The following CLASP1 variants were observed in gnomAD, a reference collection of about 807,000 sequenced individuals.
CLASP1 encodes cytoplasmic linker associated protein 1.
In CLASP1, 38 loss-of-function variants were observed where a neutral mutation model predicts 192.3. The ratio of observed to expected loss-of-function variants is 0.20; its 90% CI spans 0.15 to 0.26. The LOEUF (loss-of-function observed/expected upper bound fraction) is 0.26, where lower values mean the gene tolerates loss of function less well. Ranked by LOEUF, CLASP1 falls within the 10% of genes least tolerant of loss-of-function variation. CLASP1 has a pLI of 1.00. For synonymous variants in CLASP1, 691 were observed against 712.8 expected (o/e 0.97, Z 0.49); for missense variants, 1,433 against 1,932.5 (o/e 0.74, Z 4.85).
chr2:121,648,077 G>A (rs893793142), intron 1 of CLASP1, among the ~76,000 whole-genome samples: 1 of 152,322 alleles, frequency 6.6e-6, no homozygotes, highest in Admixed American at 6.5e-5. Context: ...CTGAGGCACT[G>A]TGCTACTTTT....
intron 34 of CLASP1, among the ~76,000 whole-genome samples, chr2:121,375,127 C>CAGATTTA (rs1388100759): frequency 2.6e-5 from 4 of 152,064 alleles, no homozygotes; most frequent in Non-Finnish European, 5.9e-5. Flanking sequence ...ATCATGGGGG[C>CAGATTTA]AGATTTACCC....
intron 37 of CLASP1, among the ~76,000 whole-genome samples, chr2:121,351,902 C>CGAG (rs2149155007): frequency 6.6e-6 from 1 of 152,356 alleles, no homozygotes; most frequent in East Asian, 1.9e-4. Context: ...AAGATTCTTT[C>CGAG]CTCTCATTTG....
At chr2:121,443,002 T>C (rs1159149431) in intron 19 of CLASP1, among the ~76,000 whole-genome samples, 1 of 152,150 alleles carries the variant, frequency 6.6e-6, no homozygotes, top group Non-Finnish European at 1.5e-5. Context: ...GCTCTCTCAG[T>C]CTCACTGCTG....
intron 33 of CLASP1, among the ~76,000 whole-genome samples, chr2:121,381,329 A>G (rs1242805973): frequency 6.6e-6 from 1 of 151,752 alleles, no homozygotes; most frequent in East Asian, 1.9e-4. Flanking sequence ...CCCTTTTCCT[A>G]TCACACCCTC....
chr2:121,395,740 T>C (rs1050388617), intron 30 of CLASP1, among the ~76,000 whole-genome samples: 3 of 152,044 alleles, frequency 2.0e-5, no homozygotes, highest in African/African-American at 7.2e-5. Context: ...TTCCATCAGT[T>C]TGAAGGAAGT....
rs115822424 is a variant in CLASP1, at chr2:121,353,304, G to A, written c.4207-4586C>T. Among the ~76,000 whole-genome samples, 939 of 152,188 alleles carry A rather than the reference G, an allele frequency of 6.2e-3. 3 individuals are homozygous for A. The highest frequency in any genetic ancestry group is 0.01 in the Middle Eastern group (3 of 294). Reference sequence around the variant, plus strand: ...GGGGATCGGGGGTGAAGGGGGCAGAGCTTTGTGACCCCGAGACTCCACAGA... The same window carrying A: ...GGGGATCGGGGGTGAAGGGGGCAGAACTTTGTGACCCCGAGACTCCACAGA... On this transcript the variant is annotated intron_variant, in intron 37 of 39. Transcript: ENST00000263710.
intron 2 of CLASP1, among the ~76,000 whole-genome samples, chr2:121,592,111 A>G (rs574981558): frequency 6.6e-6 from 1 of 152,192 alleles, no homozygotes; most frequent in Non-Finnish European, 1.5e-5. Context: ...CTTAACCCAC[A>G]GTTCAAGCTG....
chr2:121,369,677 G>GC (rs1252478741), intron 34 of CLASP1, among the ~76,000 whole-genome samples: 2 of 152,268 alleles, frequency 1.3e-5, no homozygotes, highest in African/African-American at 4.8e-5. Flanking sequence ...TCCCTACAGT[G>GC]CAAGCACTTC....
At chr2:121,407,693 T>C (rs945138130) in exon 25 of CLASP1, 3 of 1,613,850 alleles carry the variant, frequency 1.9e-6, no homozygotes, top group African/African-American at 1.3e-5. Context: ...ATACGGCTCA[T>C]ATCTCCTCCT....
intron 1 of CLASP1, among the ~76,000 whole-genome samples, chr2:121,633,166 T>C (rs1185311418): frequency 6.6e-6 from 1 of 151,954 alleles, no homozygotes; most frequent in Non-Finnish European, 1.5e-5. Context: ...AAGTTTATAA[T>C]AGAAAAATTT....
chr2:121,591,018 C>A (rs1275020959), intron 2 of CLASP1, among the ~76,000 whole-genome samples: 10 of 152,020 alleles, frequency 6.6e-5, no homozygotes, highest in African/African-American at 2.4e-4. Flanking sequence ...CAGGCGTGCA[C>A]CACCACGCCC....
At position 121,470,128 on chromosome 2, in the gene CLASP1, C is replaced by A. The variant is rs141817933; in HGVS notation, c.713-168G>T. 130 of 672,638 alleles carry A rather than the reference C, an allele frequency of 1.9e-4. No individual in the cohort carries two copies. In the East Asian group the frequency reaches 3.0e-3, roughly 16 times the overall value. 41.7% of individuals were successfully genotyped at this position (672,638 alleles called of 1,614,324 possible). On this transcript the variant is annotated intron_variant, in intron 8 of 39. Coordinates refer to ENST00000263710, the Ensembl canonical transcript of CLASP1. ...AGGGTCTGGAAAGCCTTAGGTTAAG[C>A]CCAGAATGAAGCTACAAAGATCATA...
chr2:121,630,157 C>T (rs1436622358), intron 1 of CLASP1, among the ~76,000 whole-genome samples: 1 of 151,898 alleles, frequency 6.6e-6, no homozygotes, highest in Admixed American at 6.6e-5. Flanking sequence ...TGACCTCAAG[C>T]GATCCACCCG....
intron 14 of CLASP1, among the ~76,000 whole-genome samples, chr2:121,454,923 T>G (rs113787080): frequency 6.6e-6 from 1 of 152,244 alleles, no homozygotes; most frequent in Non-Finnish European, 1.5e-5. Flanking sequence ...ACGTAATGAT[T>G]GTGAATCCTC....
At chr2:121,477,437 A>G (rs1347683393) in intron 8 of CLASP1, among the ~76,000 whole-genome samples, 1 of 152,220 alleles carries the variant, frequency 6.6e-6, no homozygotes, top group Non-Finnish European at 1.5e-5. Context: ...TTCCTGCTAG[A>G]AAGAAATGTA....
chr2:121,417,890 G>A lies in CLASP1; in HGVS notation c.2320+732C>T, dbSNP rs369043773. On this transcript the variant is annotated intron_variant, in intron 23 of 39. Coordinates refer to ENST00000263710, the Ensembl canonical transcript of CLASP1. ...ACATAGTTAAAATTAACAGACTGCT[G>A]GAGTCCACAGATCCACATAATTTCA... Among the ~76,000 whole-genome samples, 13 of 152,236 alleles carry A rather than the reference G, an allele frequency of 8.5e-5. No individual in the cohort carries two copies. In the East Asian group the frequency reaches 2.5e-3, roughly 29 times the overall value.
chr2:121,385,314 A>T (rs1048310431), intron 32 of CLASP1, among the ~76,000 whole-genome samples: 3 of 152,236 alleles, frequency 2.0e-5, no homozygotes, highest in African/African-American at 4.8e-5. Flanking sequence ...GTTAAAAAAA[A>T]ATATTTTTCC....
rs1037500329 is a variant in CLASP1 at position 121,347,044 on chromosome 2, C to G, written c.4524G>C (p.Gly1508=). The stretch of plus-strand genomic sequence containing the variant: ...CAGGTAACACTATACATACCTTGCT[C>G]CCTGTGAGCTGTGCAAGGTGAGGTT... The change falls in exon 39 of 40, where the codon GGG becomes GGC. Residue 1508 remains glycine (G), a synonymous_variant. Transcript: ENST00000263710. The G allele has an allele frequency of 3.8e-6, 6 of 1,564,130 alleles. 1 individual carries two copies. The South Asian group carries it at 5.9e-5, about 15-fold the overall frequency.
intron 22 of CLASP1, among the ~76,000 whole-genome samples, chr2:121,420,132 GAA>G (rs397767392): frequency 6.8e-6 from 1 of 146,594 alleles, no homozygotes; most frequent in Non-Finnish European, 1.5e-5. Context: ...ACTGCTCAGG[GAA>G]AAAAAAAAAA....
Sources: gnomAD v4.1 joint callset for allele counts (sites outside exome capture counted in the v4.1 genomes callset) on GRCh38, gnomAD v4.1.1 for gene constraint, MANE v1.5 for transcripts, NCBI Gene and HGNC (gene_info 2026-07-23, HGNC 2026-07-21) for gene names.